The following PCDHGB1 variants were observed in gnomAD, a reference collection of about 807,000 sequenced individuals.
PCDHGB1 encodes the protein protocadherin gamma subfamily B, 1.
Under a neutral mutation model 56.6 loss-of-function variants are expected in PCDHGB1, and 34 were observed. The ratio of observed to expected loss-of-function variants is 0.60; its 90% CI spans 0.46 to 0.80. The LOEUF (loss-of-function observed/expected upper bound fraction) is 0.80, where lower values mean the gene tolerates loss of function less well. Among genes scored for constraint, PCDHGB1 ranks in the 30% least tolerant of loss-of-function variants. The pLI is 0.00. For synonymous variants in PCDHGB1, 561 were observed against 505.9 expected (o/e 1.11, Z -1.46); for missense variants, 1,278 against 1,204.6 (o/e 1.06, Z -0.90).
intron 1 of PCDHGB1, chr5:141,418,567 T>C: frequency 6.2e-7 from 1 of 1,614,014 alleles, no homozygotes; most frequent in Non-Finnish European, 8.5e-7. Flanking sequence ...TAGATGCCAA[T>C]GACAACCCCC....
chr5:141,350,149 C>A lies in PCDHGB1; in HGVS notation c.-112C>A. The A allele has an allele frequency of 1.1e-6, 1 of 929,394 alleles. No individual in the cohort carries two copies. Among genetic ancestry groups the A allele is most frequent in the Non-Finnish European group, 1.5e-6 (1 of 667,100 alleles). The allele number at this position is 929,394 out of a possible 1,614,324, so 57.6% of individuals were successfully genotyped here. ...GAGCACAGACGCTGCTCCTGTTCAC[C>A]CTCGAGCGCCTAACTAATAAGTCCT... is the stretch of plus-strand genomic sequence containing the variant. On this transcript the variant is annotated 5_prime_UTR_variant, in exon 1 of 4. Coordinates refer to ENST00000523390, the MANE Select transcript of PCDHGB1 (RefSeq NM_018922.3).
intron 1 of PCDHGB1, among the ~76,000 whole-genome samples, chr5:141,465,140 G>A (rs1019369475): frequency 5.3e-5 from 8 of 151,554 alleles, no homozygotes; most frequent in Non-Finnish European, 7.4e-5. Context: ...AAGTTTAGGG[G>A]ATATATGAAG....
rs1022516458 is a variant in PCDHGB1, at chr5:141,476,612, A to G, written c.2410-18195A>G. The G allele has an allele frequency of 1.2e-6, 2 of 1,614,236 alleles. No individual in the cohort carries two copies. The highest frequency in any genetic ancestry group is 2.2e-5 in the South Asian group (2 of 91,080). ...GAGCGCGCACGATCCCGATGTGGGA[A>G]GCAACTCTTTACAAACCTATGAGCT... On this transcript the variant is annotated intron_variant, in intron 1 of 3. Transcript: ENST00000523390. The surrounding 1 kb of genome is among the most constrained non-coding windows in gnomAD (Gnocchi z 7.6).
At chr5:141,427,566 C>A (rs1218268757) in intron 1 of PCDHGB1, 1 of 659,032 alleles carries the variant, frequency 1.5e-6, no homozygotes, top group Non-Finnish European at 2.8e-6. Context: ...CAAGGGCAAG[C>A]CTCCGCTCTC....
Position 141,511,256 on chromosome 5 carries a change from TTCAGGGC to T in PCDHGB1, c.*85_*91del. 6.4e-7 allele frequency: 1 copy of T among 1,563,506 alleles called. No individual in the cohort carries two copies. Among genetic ancestry groups the T allele is most frequent in the Non-Finnish European group, 8.7e-7 (1 of 1,154,422 alleles). The stretch of plus-strand genomic sequence containing the variant: ...CTTACCTGCACCCAGGCCTCAGAGT[TTCAGGGC>T]TAACCCCCAGAATACTGGTAGGGGC... On this transcript the variant is annotated 3_prime_UTR_variant, in exon 4 of 4. Coordinates refer to ENST00000523390, the MANE Select transcript of PCDHGB1 (RefSeq NM_018922.3).
At position 141,490,807 on chromosome 5, in the gene PCDHGB1, G is replaced by T. The variant is rs1315856354; in HGVS notation, c.2410-4000G>T. Reference sequence around the variant, plus strand: ...ACGGATCTTTGCCCAGCGTACCTTTGACTATGAATTGCTGCAGATGCTGCA... The same window carrying T: ...ACGGATCTTTGCCCAGCGTACCTTTTACTATGAATTGCTGCAGATGCTGCA... On this transcript the variant is annotated intron_variant, in intron 1 of 3. Transcript: ENST00000523390. This position sits in a 1 kb window ranked among gnomAD's most constrained non-coding sequence, Gnocchi z 5.4. 6.2e-7 allele frequency: 1 copy of T among 1,613,924 alleles called. No individual in the cohort carries two copies. The highest frequency in any genetic ancestry group is 8.5e-7 in the Non-Finnish European group (1 of 1,179,870).
At chr5:141,422,166 T>A (rs370704205) in intron 1 of PCDHGB1, 1 of 1,569,256 alleles carries the variant, frequency 6.4e-7, no homozygotes, top group African/African-American at 1.4e-5. Context: ...TTGAAAAATA[T>A]AGATTCTATG....
At position 141,490,502 on chromosome 5, in the gene PCDHGB1, T is replaced by C. The variant is rs1408615048; in HGVS notation, c.2410-4305T>C. On this transcript the variant is annotated intron_variant, in intron 1 of 3. Transcript: ENST00000523390. The surrounding 1 kb of genome is among the most constrained non-coding windows in gnomAD (Gnocchi z 5.4). Reference sequence around the variant, plus strand: ...GACCGGGAGGCCACATCCCACTATATCATCGAGCTGCTGGCCAGCGATGCT... The same window carrying C: ...GACCGGGAGGCCACATCCCACTATACCATCGAGCTGCTGGCCAGCGATGCT... 1.2e-6 allele frequency: 2 copies of C among 1,614,094 alleles called. No individual in the cohort carries two copies. The highest frequency in any genetic ancestry group is 1.1e-5 in the South Asian group (1 of 91,076).
intron 1 of PCDHGB1, chr5:141,371,701 A>C: frequency 6.2e-7 from 1 of 1,614,064 alleles, no homozygotes; most frequent in Non-Finnish European, 8.5e-7. Flanking sequence ...TCCTCCAGCA[A>C]GACCATCACT....
chr5:141,479,625 T>C (rs2099501262), intron 1 of PCDHGB1: 1 of 152,228 alleles, frequency 6.6e-6, no homozygotes, highest in Non-Finnish European at 1.5e-5. Flanking sequence ...ACCATGTCTC[T>C]TTAACAATAA....
intron 1 of PCDHGB1, chr5:141,427,070 G>A (rs929936578): frequency 3.1e-5 from 14 of 457,822 alleles, no homozygotes; most frequent in Non-Finnish European, 6.2e-5. Context: ...TACTAAAGGT[G>A]ACAGCCACTG....
chr5:141,432,276 C>G lies in PCDHGB1; in HGVS notation c.2410-62531C>G, dbSNP rs747589363. ...GGGGCAAGCCTATCGTCCTACGTGT[C>G]CATCAACTCCGACACTGGGGTACTG... On this transcript the variant is annotated intron_variant, in intron 1 of 3. Transcript: ENST00000523390. The surrounding 1 kb of genome is among the most constrained non-coding windows in gnomAD (Gnocchi z 6.0). 6.2e-7 allele frequency: 1 copy of G among 1,614,236 alleles called. No homozygotes were observed. Among genetic ancestry groups the G allele is most frequent in the Non-Finnish European group, 8.5e-7 (1 of 1,180,044 alleles).
chr5:141,360,269 CG>C, intron 1 of PCDHGB1: 1 of 1,613,932 alleles, frequency 6.2e-7, no homozygotes, highest in African/African-American at 1.3e-5. Flanking sequence ...GCCAAAAACT[CG>C]GTCGTAGGAA....
At chr5:141,403,219 G>A in intron 1 of PCDHGB1, 1 of 1,613,980 alleles carries the variant, frequency 6.2e-7, no homozygotes, top group South Asian at 1.1e-5. Flanking sequence ...CCGCGGGTAG[G>A]ATAGACCGGG....
chr5:141,374,172 A>C (rs1770228418), intron 1 of PCDHGB1: 1 of 1,613,448 alleles, frequency 6.2e-7, no homozygotes, highest in Non-Finnish European at 8.5e-7. Context: ...GCGGCAGCGC[A>C]GATCCGCTAC....
intron 1 of PCDHGB1, chr5:141,378,405 C>T (rs1250518150): frequency 2.0e-5 from 3 of 152,298 alleles, no homozygotes; most frequent in Non-Finnish European, 4.4e-5. Context: ...GGCCTGTAAT[C>T]GCAGCTACTC....
At chr5:141,384,531 C>T (rs762355289) in intron 1 of PCDHGB1, 11 of 1,614,116 alleles carry the variant, frequency 6.8e-6, no homozygotes, top group African/African-American at 2.7e-5. Context: ...CTCTCAGCAG[C>T]AACATGTCAC....
At chr5:141,415,264 C>G (rs1342050986) in intron 1 of PCDHGB1, 2 of 1,614,210 alleles carry the variant, frequency 1.2e-6, no homozygotes, top group Non-Finnish European at 1.7e-6. Flanking sequence ...CACTCTGTAC[C>G]TGGTGGTAGC....
At chr5:141,371,941 C>A (rs781345070) in intron 1 of PCDHGB1, 1 of 1,613,174 alleles carries the variant, frequency 6.2e-7, no homozygotes, top group Non-Finnish European at 8.5e-7. Flanking sequence ...GTGGTGTTCG[C>A]GCAGCGAGCC....
Sources: allele counts gnomAD v4.1 joint callset (sites outside exome capture counted in the v4.1 genomes callset), GRCh38; gene constraint gnomAD v4.1.1; non-coding constraint Gnocchi (gnomAD v3.1); transcripts MANE v1.5; gene names NCBI Gene and HGNC (gene_info 2026-07-23, HGNC 2026-07-21).